The following BST1 variants were observed in gnomAD, a reference collection of about 807,000 sequenced individuals.
BST1 encodes the protein bone marrow stromal cell antigen 1.
A neutral mutation model predicts 40.6 loss-of-function variants in BST1; 49 were observed. The observed-to-expected ratio is 1.21, with a 90% CI of 0.96 to 1.53. The LOEUF (loss-of-function observed/expected upper bound fraction) is 1.53, where lower values mean the gene tolerates loss of function less well. Among genes scored for constraint, BST1 ranks in the 40% most tolerant of loss-of-function variants. The probability of loss-of-function intolerance (pLI) is 0.00; values close to 1 mark genes in which losing one functional copy is unlikely to be tolerated. For missense variants in BST1, 423 were observed against 395.9 expected (o/e 1.07, Z -0.58); for synonymous variants, 157 against 159.3 (o/e 0.99, Z 0.11).
At chr4:15,735,885 A>G (rs1340788246), downstream of BST1, among the ~76,000 whole-genome samples, 1 of 152,140 alleles carries the variant, frequency 6.6e-6, no homozygotes, top group Non-Finnish European at 1.5e-5. Context: ...TAAAAACTAA[A>G]CATAACTTCA....
chr4:15,738,331 ATTTCAGACAC>A, downstream of BST1: 1 of 152,704 alleles, frequency 6.5e-6, no homozygotes, highest in South Asian at 2.1e-4. Flanking sequence ...TTGAAAAGGA[ATTTCAGACAC>A]TTGGGAAAAA....
intron 3 of BST1, among the ~76,000 whole-genome samples, chr4:15,709,261 AAG>A (rs1341962350): frequency 7.2e-5 from 11 of 152,158 alleles, no homozygotes; most frequent in Non-Finnish European, 1.5e-5. Context: ...GGAGATGAGA[AAG>A]AGCATTTTCT....
chr4:15,722,084 C>T (rs1299988800), intron 7 of BST1, among the ~76,000 whole-genome samples: 1 of 152,222 alleles, frequency 6.6e-6, no homozygotes, highest in Non-Finnish European at 1.5e-5. Context: ...AGCAAGTTAG[C>T]TTTCCTCTCT....
chr4:15,705,737 C>A, intron 2 of BST1, 96 bp downstream of exon 2: 1 of 1,466,284 alleles, frequency 6.8e-7, no homozygotes, highest in Non-Finnish European at 9.5e-7. Context: ...CCCCTGCATC[C>A]TGCAATGTCA....
At chr4:15,771,498 C>T in the BST1 span, among the ~76,000 whole-genome samples, 1 of 152,164 alleles carries the variant, frequency 6.6e-6, no homozygotes, top group Non-Finnish European at 1.5e-5. Context: ...CTATAGGGTT[C>T]CTTTAGGTTT....
At chr4:15,724,873 G>A (rs1297834703) in intron 8 of BST1, among the ~76,000 whole-genome samples, 3 of 152,082 alleles carry the variant, frequency 2.0e-5, no homozygotes, top group African/African-American at 7.2e-5. Context: ...GTGGCCAAGT[G>A]ACATGTGCAA....
At chr4:15,750,804 GT>G in the BST1 span, among the ~76,000 whole-genome samples, 5 of 151,290 alleles carry the variant, frequency 3.3e-5, no homozygotes, top group Non-Finnish European at 5.9e-5. Context: ...TTGTAACTGG[GT>G]TTTTTTGTTC....
chr4:15,752,945 T>G, the BST1 span, among the ~76,000 whole-genome samples: 3 of 151,522 alleles, frequency 2.0e-5, no homozygotes, highest in African/African-American at 7.3e-5. Flanking sequence ...AAGATATAAA[T>G]CACTAAGAAG....
At chr4:15,769,921 C>T in the BST1 span, among the ~76,000 whole-genome samples, 1 of 152,064 alleles carries the variant, frequency 6.6e-6, no homozygotes, top group South Asian at 2.1e-4. Flanking sequence ...TTCACTGCAA[C>T]TTCCACCACC....
the BST1 span, among the ~76,000 whole-genome samples, chr4:15,771,389 C>T: frequency 2.0e-5 from 3 of 152,266 alleles, no homozygotes; most frequent in Middle Eastern, 6.8e-3. Context: ...CCAAATATAC[C>T]ACAGTGTTAG....
the BST1 span, among the ~76,000 whole-genome samples, chr4:15,757,020 TAAAACC>T: frequency 6.6e-6 from 1 of 151,780 alleles, no homozygotes; most frequent in East Asian, 1.9e-4. Context: ...TCTATATTAG[TAAAACC>T]ATCTGTATCA....
At chr4:15,708,094 G>C (rs1033874461) in intron 3 of BST1, among the ~76,000 whole-genome samples, 5 of 151,994 alleles carry the variant, frequency 3.3e-5, no homozygotes, top group Non-Finnish European at 5.9e-5. Context: ...TCTCAACTTT[G>C]CACAACTCTG....
At chr4:15,772,412 C>A in the BST1 span, among the ~76,000 whole-genome samples, 2 of 152,162 alleles carry the variant, frequency 1.3e-5, no homozygotes, top group African/African-American at 4.8e-5. Context: ...AGAGGCAAAA[C>A]CCACATTTCT....
At chr4:15,715,180 A>G (rs1403364753) in intron 4 of BST1, 105 bp from the exon 5 acceptor site, 2 of 1,031,984 alleles carry the variant, frequency 1.9e-6, no homozygotes, top group Non-Finnish European at 2.9e-6. Flanking sequence ...CACATTTATC[A>G]TATCCTTGCC....
At chr4:15,770,233 C>T in the BST1 span, among the ~76,000 whole-genome samples, 1 of 152,076 alleles carries the variant, frequency 6.6e-6, no homozygotes, top group East Asian at 1.9e-4. Context: ...ATTCTAGAAC[C>T]AATGTTTCTA....
downstream of BST1, among the ~76,000 whole-genome samples, chr4:15,741,712 A>G (rs756227097): frequency 2.6e-5 from 4 of 152,202 alleles, no homozygotes; most frequent in Non-Finnish European, 5.9e-5. Flanking sequence ...TTTAGTGTAT[A>G]AAGTTTTACT....
At chr4:15,715,998 T>C (rs1415290714) in intron 6 of BST1, among the ~76,000 whole-genome samples, 199 bp downstream of exon 6, 2 of 152,234 alleles carry the variant, frequency 1.3e-5, no homozygotes, top group Non-Finnish European at 2.9e-5. Context: ...GAAAGCCTCC[T>C]TTATCTGGGA....
downstream of BST1, among the ~76,000 whole-genome samples, chr4:15,735,529 A>G (rs1409525828): frequency 3.9e-5 from 6 of 152,240 alleles, no homozygotes; most frequent in Non-Finnish European, 5.9e-5. Flanking sequence ...TACTTTCATA[A>G]AACACTTGAA....
intron 8 of BST1, among the ~76,000 whole-genome samples, chr4:15,726,071 C>T (rs1721093077): frequency 6.7e-6 from 1 of 149,186 alleles, no homozygotes; most frequent in Non-Finnish European, 1.5e-5. Flanking sequence ...ACGTGATCCT[C>T]CCACCTCAGC....
Sources: gnomAD v4.1 joint callset for allele counts (sites outside exome capture counted in the v4.1 genomes callset) on GRCh38, gnomAD v4.1.1 for gene constraint, MANE v1.5 for transcripts, NCBI Gene and HGNC (gene_info 2026-07-23, HGNC 2026-07-21) for gene names.